The following BCL2L12 variants were observed in gnomAD, a reference collection of about 807,000 sequenced individuals.
The protein encoded by BCL2L12 is BCL2 like 12, also known as bcl-2-like protein 12.
A neutral mutation model predicts 25.7 loss-of-function variants in BCL2L12; 27 were observed. The observed-to-expected ratio is 1.05, with a 90% CI of 0.78 to 1.45. The LOEUF is 1.45. Ranked by LOEUF, BCL2L12 falls within the 40% of genes most tolerant of loss-of-function variation. BCL2L12 has a pLI of 0.00. For synonymous variants in BCL2L12, 132 were observed against 145.6 expected (o/e 0.91, Z 0.67); for missense variants, 302 against 329.8 (o/e 0.92, Z 0.65).
rs1005270891 is a variant in BCL2L12, at chr19:49,672,706, G to A, written c.703-992G>A. ...ATGCTGGCCCGAGCAGCTGCAGGGC[G>A]ACATCTTAAGTTCCCCGAGATGGGG... On this transcript the variant is annotated intron_variant, in intron 6 of 6. Coordinates refer to ENST00000246784, the MANE Select transcript of BCL2L12 (RefSeq NM_138639.2). The surrounding 1 kb of genome is among the most constrained non-coding windows in gnomAD (Gnocchi z 4.1). Among the ~76,000 whole-genome samples, 15 of 149,464 alleles carry A rather than the reference G, an allele frequency of 1.0e-4. No homozygotes were observed. Among genetic ancestry groups the A allele is most frequent in the South Asian group, 8.8e-4 (4 of 4,550 alleles).
intron 6 of BCL2L12, 67 bp from the exon 7 acceptor site, chr19:49,673,631 T>A (rs1415231004): frequency 1.4e-5 from 19 of 1,311,586 alleles, no homozygotes; most frequent in Non-Finnish European, 2.1e-5. Context: ...ACAGGGCTGA[T>A]GTGGACGCTG....
Position 49,673,740 on chromosome 19 carries a change from T to C in BCL2L12, c.745T>C (p.Leu249=). ...AVSPVDLNLP[L]D ...TTCACCCGTGGACTTGAACTTGCCA[T>C]TGGACTGAGCTCTTTCTCAGAAGCT... is the stretch of plus-strand genomic sequence containing the variant. The change falls in exon 7 of 7, where the codon TTG becomes CTG. Residue 249 remains leucine, a synonymous_variant. Coordinates refer to ENST00000246784, the MANE Select transcript of BCL2L12 (RefSeq NM_138639.2). The C allele has an allele frequency of 1.2e-6, 2 of 1,614,186 alleles. No individual in the cohort carries two copies. The highest frequency in any genetic ancestry group is 1.7e-6 in the Non-Finnish European group (2 of 1,180,034).
In BCL2L12 at chr19:49,672,393, C is replaced by T. The variant is rs1391442998; in HGVS notation, c.703-1305C>T. ...GCGACAGATGAGAGGAGGAGAGGCG[C>T]CGGGCCAGCCAGGACCCTGTGGTCA... is the stretch of plus-strand genomic sequence containing the variant. On this transcript the variant is annotated intron_variant, in intron 6 of 6. Transcript: ENST00000246784. The surrounding 1 kb of genome is among the most constrained non-coding windows in gnomAD (Gnocchi z 4.1). Among the ~76,000 whole-genome samples the T allele has an allele frequency of 6.6e-6, 1 of 152,178 alleles. No homozygotes were observed. The highest frequency in any genetic ancestry group is 2.4e-5 in the African/African-American group (1 of 41,444).
upstream of BCL2L12, chr19:49,665,925 C>A (rs748021413): frequency 1.2e-6 from 2 of 1,613,724 alleles, no homozygotes; most frequent in Non-Finnish European, 1.7e-6. Flanking sequence ...GTGCACCCAG[C>A]GTTCCGCCCT....
In BCL2L12 at chr19:49,669,436, T is replaced by C. The variant is rs564613581; in HGVS notation, c.429+321T>C. Reference sequence around the variant, plus strand: ...CTGTAATCCCAGCTACTCAGAAGGCTGAGGCAGGAGAATCGCTTGAGCCCA... The same window carrying C: ...CTGTAATCCCAGCTACTCAGAAGGCCGAGGCAGGAGAATCGCTTGAGCCCA... On this transcript the variant is annotated intron_variant, in intron 5 of 6. Transcript: ENST00000246784. 7.3e-5 allele frequency among the ~76,000 whole-genome samples: 11 copies of C among 151,370 alleles called. No homozygotes were observed. In the South Asian group the frequency reaches 1.0e-3, roughly 14 times the overall value.
At chr19:49,668,079 C>T (rs1308974398) in intron 3 of BCL2L12, among the ~76,000 whole-genome samples, 2 of 149,824 alleles carry the variant, frequency 1.3e-5, no homozygotes, top group African/African-American at 4.9e-5. Context: ...CGCACCCTGT[C>T]AGCTCTGACA....
chr19:49,666,095 G>T (rs1168518488), intron 1 of BCL2L12, 28 bp downstream of exon 1: 16 of 1,533,204 alleles, frequency 1.0e-5, no homozygotes, highest in Non-Finnish European at 1.4e-5. Flanking sequence ...GAGGGGTGGG[G>T]TGAGGAGGGA....
chr19:49,665,634 C>T (rs933320458), upstream of BCL2L12: 1 of 695,300 alleles, frequency 1.4e-6, no homozygotes, highest in South Asian at 2.0e-5. Context: ...GCGTTACCTA[C>T]GATGGAAGGT....
intron 5 of BCL2L12, among the ~76,000 whole-genome samples, chr19:49,669,435 C>T (rs2081903838): frequency 6.6e-6 from 1 of 151,582 alleles, no homozygotes; most frequent in Admixed American, 6.6e-5. Context: ...ACTCAGAAGG[C>T]TGAGGCAGGA....
intron 3 of BCL2L12, among the ~76,000 whole-genome samples, chr19:49,668,610 T>G (rs1412943783): frequency 6.6e-6 from 1 of 151,858 alleles, no homozygotes; most frequent in African/African-American, 2.4e-5. Flanking sequence ...GGCAACACGG[T>G]GAAACCCCAT....
chr19:49,670,435 A>G lies in BCL2L12; in HGVS notation c.649A>G (p.Ser217Gly), dbSNP rs1599920844. 1.3e-6 allele frequency: 2 copies of G among 1,539,108 alleles called. No individual in the cohort carries two copies. Among genetic ancestry groups the G allele is most frequent in the East Asian group, 4.9e-5 (2 of 40,798 alleles). Residue 217 changes from serine (S) to glycine (G), a missense_variant, in exon 6 of 7, where the codon AGC (serine) becomes GGC (glycine). Physicochemically the swap from Ser to Gly is moderately conservative, Grantham distance 56. Coordinates refer to ENST00000246784, the MANE Select transcript of BCL2L12 (RefSeq NM_138639.2). The stretch of plus-strand genomic sequence containing the variant: ...GCTGGGGGGCACCCTGGCCGGACTC[A>G]GCGTGGAGCACGTGCACAGCTTCAC... ...AGLGGTLAGL[S>G]VEHVHSFTPW... is the part of the protein sequence containing the mutation.
chr19:49,665,927 T>C (rs376704095), upstream of BCL2L12: 12 of 1,613,672 alleles, frequency 7.4e-6, no homozygotes, highest in African/African-American at 5.3e-5. Context: ...GCACCCAGCG[T>C]TCCGCCCTTT....
In BCL2L12 at chr19:49,670,223, C is replaced by CGGACCCCGCCCTGCGCAGCAAGCT. The variant is rs2081927652; in HGVS notation, c.440_463dup (p.Asp147_Leu154dup). 2.5e-6 allele frequency: 4 copies of CGGACCCCGCCCTGCGCAGCAAGCT among 1,605,214 alleles called. No homozygotes were observed. Among genetic ancestry groups the CGGACCCCGCCCTGCGCAGCAAGCT allele is most frequent in the Middle Eastern group, 3.3e-4 (2 of 6,042 alleles). On this transcript the variant is annotated inframe_insertion, in exon 6 of 7. Coordinates refer to ENST00000246784, the MANE Select transcript of BCL2L12 (RefSeq NM_138639.2). ...GCCTCTTCCACCCTACAGCTGGCCT[C>CGGACCCCGCCCTGCGCAGCAAGCT]GGACCCCGCCCTGCGCAGCAAGCTG...
intron 6 of BCL2L12, 105 bp downstream of exon 6, chr19:49,670,593 C>T (rs1381793522): frequency 1.4e-6 from 2 of 1,416,576 alleles, no homozygotes; most frequent in East Asian, 5.0e-5. Context: ...CAGGTATTCT[C>T]CCAGCTCCAC....
At chr19:49,668,060 G>A (rs1303590490) in intron 3 of BCL2L12, among the ~76,000 whole-genome samples, 5 of 150,858 alleles carry the variant, frequency 3.3e-5, no homozygotes, top group East Asian at 1.9e-4. Context: ...GATTGCAGAC[G>A]TGAGCCACCG....
At chr19:49,673,641 G>A in intron 6 of BCL2L12, 57 bp from the exon 7 acceptor site, 1 of 1,416,864 alleles carries the variant, frequency 7.1e-7, no homozygotes, top group Non-Finnish European at 1.0e-6. Flanking sequence ...TGTGGACGCT[G>A]CTGTATGGGG....
At position 49,667,142 on chromosome 19, in the gene BCL2L12, C is replaced by A. The variant is rs907227604; in HGVS notation, c.231C>A (p.Pro77=). 2 of 1,613,784 alleles carry A rather than the reference C, an allele frequency of 1.2e-6. No homozygotes were observed. Among genetic ancestry groups the A allele is most frequent in the African/African-American group, 2.7e-5 (2 of 74,904 alleles). The change falls in exon 3 of 7, where the codon CCC becomes CCA. Residue 77 remains proline (P), a synonymous_variant. Transcript: ENST00000246784. The stretch of plus-strand genomic sequence containing the variant: ...GGCCTTGCTCTCTGCCCATCCGCCC[C>A]TGCTATGGTTTAGAGCCTGGTAAGA... The part of the protein sequence containing the change: ...SPRPCSLPIR[P]CYGLEPGPAT...
chr19:49,665,171 T>A, upstream of BCL2L12: 2 of 300,430 alleles, frequency 6.7e-6, no homozygotes, highest in East Asian at 6.8e-5. Flanking sequence ...CAGGGTAGCA[T>A]CCTCTTTCCC....
intron 3 of BCL2L12, among the ~76,000 whole-genome samples, chr19:49,668,069 C>T (rs532340828): frequency 9.3e-5 from 14 of 151,246 alleles, no homozygotes; most frequent in East Asian, 7.8e-4. Context: ...CGTGAGCCAC[C>T]GCACCCTGTC....
Sources: allele counts gnomAD v4.1 joint callset (sites outside exome capture counted in the v4.1 genomes callset), GRCh38; gene constraint gnomAD v4.1.1; non-coding constraint Gnocchi (gnomAD v3.1); transcripts MANE v1.5; gene names NCBI Gene and HGNC (gene_info 2026-07-23, HGNC 2026-07-21).